GABRR2: variants seen among roughly 807,000 people sequenced by gnomAD.
GABRR2 encodes the protein gamma-aminobutyric acid receptor subunit rho-2.
A neutral mutation model predicts 47.0 loss-of-function variants in GABRR2; 36 were observed. The observed-to-expected ratio is 0.77, with a 90% CI of 0.59 to 1.01. GABRR2 has a LOEUF of 1.01. Ranked by LOEUF, GABRR2 falls within the 50% of genes least tolerant of loss-of-function variation. The probability of loss-of-function intolerance (pLI) is 0.00; values close to 1 mark genes in which losing one functional copy is unlikely to be tolerated. For synonymous variants in GABRR2, 204 were observed against 227.5 expected, an observed-to-expected ratio of 0.90 and a Z score of 0.93; for missense variants, 587 against 594.6, an observed-to-expected ratio of 0.99 and a Z score of 0.13.
intron 2 of GABRR2, among the ~76,000 whole-genome samples, chr6:89,274,833 A>G (rs1037218974): frequency 6.6e-6 from 1 of 151,888 alleles, no homozygotes; most frequent in African/African-American, 2.4e-5. Flanking sequence ...GCGCCACTGC[A>G]CTCCAGCATG....
Position 89,267,755 on chromosome 6 carries a change from A to T in GABRR2, c.660T>A (p.Asp220Glu). The T allele has an allele frequency of 6.2e-7, 1 of 1,613,914 alleles. No individual in the cohort carries two copies. Among genetic ancestry groups the T allele is most frequent in the South Asian group, 1.1e-5 (1 of 91,072 alleles). The change falls in exon 6 of 9, where the codon GAT becomes GAA. Residue 220 changes from aspartate to glutamate, a missense_variant. Transcript: ENST00000402938. ...GAAACTGAGACAAGGAGATCTTCTC[A>T]TCTGTTTTTAGGGATTCATCCCCAT... ...WKNGDESLKT[D>E]EKISLSQFLI...
chr6:89,287,027 G>C (rs17741567), intron 2 of GABRR2, among the ~76,000 whole-genome samples: 10,505 of 152,230 alleles, frequency 0.069, 410 homozygotes, highest in Non-Finnish European at 0.081. Context: ...GCAGAGCCAG[G>C]GAGTCCAAGA....
chr6:89,314,965 C>A (rs1394120716), intron 1 of GABRR2, 88 bp downstream of exon 1: 2 of 1,169,202 alleles, frequency 1.7e-6, no homozygotes, highest in Non-Finnish European at 2.5e-6. Context: ...CTCAATAGGA[C>A]CTTAGCCCCC....
Position 89,254,765 on chromosome 6 carries a change from G to GT in GABRR2, c.*2904dup, listed in dbSNP as rs1226956859. Among the ~76,000 whole-genome samples the GT allele has an allele frequency of 5.3e-5, 8 of 152,054 alleles. No individual in the cohort carries two copies. The South Asian group carries it at 1.2e-3, about 24-fold the overall frequency. On this transcript the variant is annotated 3_prime_UTR_variant, in exon 9 of 9. Transcript: ENST00000402938. ...GTTCCTGTTTTCTACTCCTACCAAT[G>GT]TTGTCTCCACTTTACCTCTTTAAAT...
chr6:89,290,417 G>A (rs1774416140), intron 2 of GABRR2, among the ~76,000 whole-genome samples: 1 of 152,240 alleles, frequency 6.6e-6, no homozygotes, highest in Non-Finnish European at 1.5e-5. Flanking sequence ...AGGACCAGGG[G>A]CAGGCACAGG....
At chr6:89,314,020 G>GA (rs1767720466) in intron 1 of GABRR2, among the ~76,000 whole-genome samples, 1 of 141,304 alleles carries the variant, frequency 7.1e-6, no homozygotes, top group Non-Finnish European at 1.5e-5. Flanking sequence ...TATATTCAGG[G>GA]TTTTTTTTTT....
intron 1 of GABRR2, among the ~76,000 whole-genome samples, chr6:89,300,766 A>G (rs1007797726): frequency 7.0e-6 from 1 of 143,132 alleles, no homozygotes; most frequent in Non-Finnish European, 1.5e-5. Context: ...AAAAAAAAAA[A>G]GGCCCAGGAC....
chr6:89,274,189 T>C (rs74626390), intron 2 of GABRR2, among the ~76,000 whole-genome samples: 1,633 of 152,342 alleles, frequency 0.011, 30 homozygotes, highest in African/African-American at 0.035. Context: ...TCTGGAGGTA[T>C]TGCCCATGCG....
chr6:89,267,650 T>C, intron 6 of GABRR2, 29 bp downstream of exon 6: 1 of 1,594,910 alleles, frequency 6.3e-7, no homozygotes, highest in Admixed American at 1.8e-5. Context: ...CTTGCACATT[T>C]GAATCAGATT....
Position 89,299,850 on chromosome 6 carries a change from C to G in GABRR2, c.129G>C (p.Lys43Asn). Residue 43 changes from lysine to asparagine, a missense_variant, in exon 2 of 9, where the codon AAG (lysine) becomes AAC (asparagine). Physicochemically the swap from Lys to Asn is moderately conservative, Grantham distance 94 (BLOSUM62 0). Transcript: ENST00000402938. ...EMPKPSHLYK[K>N]NLDVTKIRKG... ...TCCGGATCTTGGTCACATCAAGGTT[C>G]TTCTTATATAAGTGACTGTGAAGAC... 1 of 1,611,972 alleles carries G rather than the reference C, an allele frequency of 6.2e-7. No individual in the cohort carries two copies. The highest frequency in any genetic ancestry group is 1.7e-5 in the Admixed American group (1 of 60,024).
At chr6:89,258,441 C>T (rs956955686) in intron 8 of GABRR2, among the ~76,000 whole-genome samples, 1 of 151,184 alleles carries the variant, frequency 6.6e-6, no homozygotes, top group Non-Finnish European at 1.5e-5. Flanking sequence ...CGCAGTGGCT[C>T]ATGCCTATAA....
At chr6:89,286,639 G>A (rs747132611) in intron 2 of GABRR2, among the ~76,000 whole-genome samples, 3 of 151,940 alleles carry the variant, frequency 2.0e-5, no homozygotes, top group Non-Finnish European at 4.4e-5. Flanking sequence ...CAGCGGCCCA[G>A]TCCTTCAGGA....
intron 2 of GABRR2, among the ~76,000 whole-genome samples, chr6:89,278,409 T>C (rs1172921644): frequency 1.3e-5 from 2 of 152,240 alleles, no homozygotes; most frequent in Non-Finnish European, 2.9e-5. Flanking sequence ...TTAGCGTCCT[T>C]TTCTCAATGT....
chr6:89,310,566 G>A (rs1215673852), intron 1 of GABRR2, among the ~76,000 whole-genome samples: 1 of 152,080 alleles, frequency 6.6e-6, no homozygotes, highest in African/African-American at 2.4e-5. Context: ...ACATGCTGAT[G>A]TTCTTAAATC....
intron 2 of GABRR2, among the ~76,000 whole-genome samples, chr6:89,275,275 C>G (rs1011461433): frequency 2.0e-5 from 3 of 151,990 alleles, no homozygotes; most frequent in Non-Finnish European, 2.9e-5. Flanking sequence ...GAAAAATTTA[C>G]TTTTTTTTCT....
rs1773563685 is a variant in GABRR2, at chr6:89,254,559, T to G, written c.*3111A>C. Among the ~76,000 whole-genome samples the G allele has an allele frequency of 6.6e-6, 1 of 152,220 alleles. No homozygotes were observed. The highest frequency in any genetic ancestry group is 1.5e-5 in the Non-Finnish European group (1 of 68,040). ...GGATTCATATTATAATCATTGGCAT[T>G]CCAGAATTTGATTGTTAGTATTTTT... On this transcript the variant is annotated 3_prime_UTR_variant, in exon 9 of 9. Transcript: ENST00000402938.
rs58724665 is a variant in GABRR2 at position 89,258,540 on chromosome 6, T to TA, written c.1087-560dup. ...GGGCAACATAGTGAGACTCCTTCTC[T>TA]AAAAAAAAAAAAAAAAAAATGTTTT... On this transcript the variant is annotated intron_variant, in intron 8 of 8. Coordinates refer to ENST00000402938, the MANE Select transcript of GABRR2 (RefSeq NM_002043.5). Among the ~76,000 whole-genome samples the TA allele has an allele frequency of 4.0e-3, 463 of 117,156 alleles. 6 individuals are homozygous for TA. The highest frequency in any genetic ancestry group is 9.9e-3 in the South Asian group (34 of 3,428). 76.9% of individuals were successfully genotyped at this position (117,156 alleles called of 152,430 possible).
intron 1 of GABRR2, 135 bp downstream of exon 1, chr6:89,314,918 G>A (rs1767736824): frequency 4.1e-6 from 3 of 735,710 alleles, no homozygotes; most frequent in South Asian, 3.6e-5. Context: ...GCTGCGTTCA[G>A]TGAAGTAGCT....
At chr6:89,269,258 G>C (rs1182020618) in intron 3 of GABRR2, 24 bp from the exon 4 acceptor site, 2 of 1,580,384 alleles carry the variant, frequency 1.3e-6, no homozygotes, top group African/African-American at 2.7e-5. Flanking sequence ...GGTGAGACCA[G>C]ACAAAAATGG....
Sources: gnomAD v4.1 joint callset for allele counts (sites outside exome capture counted in the v4.1 genomes callset) on GRCh38, gnomAD v4.1.1 for gene constraint, MANE v1.5 for transcripts, NCBI Gene and HGNC (gene_info 2026-07-23, HGNC 2026-07-21) for gene names.